CILP: variants seen among roughly 807,000 people sequenced by gnomAD.
The protein encoded by CILP is cartilage intermediate layer protein 1.
In CILP, 75 loss-of-function variants were observed where a neutral mutation model predicts 82.5. The observed-to-expected ratio is 0.91, with a 90% confidence interval of 0.75 to 1.10. The LOEUF is 1.10. Among genes scored for constraint, CILP ranks in the 50% least tolerant of loss-of-function variants. The probability of loss-of-function intolerance (pLI) is 0.00; values close to 1 mark genes in which losing one functional copy is unlikely to be tolerated. For missense variants in CILP, 1,479 were observed against 1,530.8 expected, an observed-to-expected ratio of 0.97 and a Z score of 0.56; for synonymous variants, 530 against 580.3, an observed-to-expected ratio of 0.91 and a Z score of 1.25.
At chr15:65,201,481 C>T (rs1030554217) in intron 8 of CILP, among the ~76,000 whole-genome samples, 2 of 151,940 alleles carry the variant, frequency 1.3e-5, no homozygotes, top group African/African-American at 4.8e-5. Flanking sequence ...TGCATGTAAT[C>T]CCAGCACTTT....
At chr15:65,200,665 C>G (rs996350170) in intron 8 of CILP, among the ~76,000 whole-genome samples, 2 of 152,196 alleles carry the variant, frequency 1.3e-5, no homozygotes, top group African/African-American at 4.8e-5. Flanking sequence ...ACCCTCACCT[C>G]CACATACACA....
chr15:65,203,590 C>T, intron 6 of CILP, 120 bp from the exon 7 acceptor site: 1 of 673,480 alleles, frequency 1.5e-6, no homozygotes, highest in East Asian at 2.8e-5. Flanking sequence ...TCACCCCTAC[C>T]CCCAGCCCAT....
In CILP at chr15:65,206,996, G is replaced by T. The variant is rs756504341; in HGVS notation, c.210C>A (p.Asp70Glu). 3.1e-6 allele frequency: 5 copies of T among 1,614,016 alleles called. No individual in the cohort carries two copies. In the East Asian group the frequency reaches 1.1e-4, roughly 36 times the overall value. The change falls in exon 4 of 9, where the codon GAC (aspartate) becomes GAA (glutamate). Residue 70 changes from aspartate to glutamate, a missense_variant. Transcript: ENST00000261883. ...AGCGAATGGCGTCCAGCCGCTCATA[G>T]TCGCCCTTCCCGCCTGGGTAGTCGA... ...FNIDYPGGKG[D>E]YERLDAIRFY...
At chr15:65,207,073 C>T (rs1398780035) in intron 3 of CILP, 22 bp from the exon 4 acceptor site, 4 of 1,599,440 alleles carry the variant, frequency 2.5e-6, no homozygotes, top group African/African-American at 1.3e-5. Context: ...AGCCAAATTG[C>T]GGAGGAGCCG....
chr15:65,200,522 G>T (rs878927970), intron 8 of CILP, among the ~76,000 whole-genome samples: 1 of 152,052 alleles, frequency 6.6e-6, no homozygotes, highest in African/African-American at 2.4e-5. Context: ...ACAGGCCCCT[G>T]ATTGGTCTTT....
At chr15:65,203,132 C>G (rs1001541937) in intron 7 of CILP, among the ~76,000 whole-genome samples, 1 of 152,122 alleles carries the variant, frequency 6.6e-6, no homozygotes, top group African/African-American at 2.4e-5. Context: ...CTACTGTGCC[C>G]GGCCAAAGGG....
chr15:65,201,214 C>T (rs2088447126), intron 8 of CILP, among the ~76,000 whole-genome samples: 1 of 152,062 alleles, frequency 6.6e-6, no homozygotes, highest in Non-Finnish European at 1.5e-5. Context: ...GTTGTCCAGG[C>T]TGGTCTCGAA....
chr15:65,198,596 C>T lies in CILP; in HGVS notation c.1690G>A (p.Val564Met), dbSNP rs750047210. Residue 564 changes from valine (V) to methionine (M), a missense_variant, in exon 9 of 9, where the codon GTG becomes ATG. By Grantham distance (21) the Val-to-Met change is conservative. Transcript: ENST00000261883. Reference sequence around the variant, plus strand: ...CGAAGCATCTTGATTTCATGGAACACGGCACTCCCCTTCTTGTTGAAAGGT... The same window carrying T: ...CGAAGCATCTTGATTTCATGGAACATGGCACTCCCCTTCTTGTTGAAAGGT... ...VLPFNKKGSA[V>M]FHEIKMLRRK... 18 of 1,614,114 alleles carry T rather than the reference C, an allele frequency of 1.1e-5. No individual in the cohort carries two copies. Among genetic ancestry groups the T allele is most frequent in the South Asian group, 3.3e-5 (3 of 91,092 alleles).
At chr15:65,211,194 G>C (rs764411615) in intron 1 of CILP, among the ~76,000 whole-genome samples, 11 of 152,268 alleles carry the variant, frequency 7.2e-5, no homozygotes, top group Non-Finnish European at 1.3e-4. Context: ...CCCTAAGTGG[G>C]ACCATCTGGG....
Position 65,201,962 on chromosome 15 carries a change from G to A in CILP, c.1096C>T (p.Leu366=). The A allele has an allele frequency of 1.2e-6, 2 of 1,607,100 alleles. No individual in the cohort carries two copies. Among genetic ancestry groups the A allele is most frequent in the Non-Finnish European group, 1.7e-6 (2 of 1,177,128 alleles). ...TACTCCCCAGCCTGGTGCTGCTGCA[G>A]TTTCCTCAGCACCAGCTTGCTCTCA... is the stretch of plus-strand genomic sequence containing the variant. ...KHESKLVLRK[L]QQHQAGEYFC... is the part of the protein sequence containing the mutation. Residue 366 remains leucine (L), a synonymous_variant, in exon 8 of 9, where the codon CTG becomes TTG. Coordinates refer to ENST00000261883, the MANE Select transcript of CILP (RefSeq NM_003613.4).
intron 1 of CILP, among the ~76,000 whole-genome samples, chr15:65,210,845 C>T (rs1313443260): frequency 6.6e-6 from 1 of 152,166 alleles, no homozygotes; most frequent in African/African-American, 2.4e-5. Flanking sequence ...ACCTGTTTCT[C>T]GGATGAGGGA....
intron 7 of CILP, among the ~76,000 whole-genome samples, chr15:65,202,834 CTTT>C (rs10634666): frequency 2.6e-5 from 3 of 117,540 alleles, no homozygotes; most frequent in Non-Finnish European, 3.4e-5. Flanking sequence ...GGGACCACAG[CTTT>C]TTTTTTTTTT....
Position 65,197,243 on chromosome 15 carries a change from AG to A in CILP, c.3042del (p.Tyr1015MetfsTer11), listed in dbSNP as rs1396654834. ...GTGCGGTCCACACGGTCCTGATCAT[AG>A]AGCATCCCACTGCACTTGAACTCCA... ...ACLEFKCSGM[L>X]YDQDRVDRTL... On this transcript the variant is annotated frameshift_variant, in exon 9 of 9. Coordinates refer to ENST00000261883, the MANE Select transcript of CILP (RefSeq NM_003613.4). LOFTEE classifies it high-confidence loss of function. 5 of 1,614,024 alleles carry A rather than the reference AG, an allele frequency of 3.1e-6. No individual in the cohort carries two copies. The African/African-American group carries it at 6.7e-5, about 22-fold the overall frequency.
chr15:65,203,731 A>C lies in CILP; in HGVS notation c.920-261T>G, dbSNP rs1312122752. Among the ~76,000 whole-genome samples the C allele has an allele frequency of 3.9e-5, 6 of 152,212 alleles. No individual in the cohort carries two copies. In the East Asian group the frequency reaches 1.2e-3, roughly 29 times the overall value. On this transcript the variant is annotated intron_variant, in intron 6 of 8. Coordinates refer to ENST00000261883, the MANE Select transcript of CILP (RefSeq NM_003613.4). ...TGGTGAAACAAGGGGACCTTGTGTC[A>C]GCCAAGATTCCAAGCACTACCTTTG...
In CILP at chr15:65,203,486, A is replaced by C; in HGVS notation, c.920-16T>G. The C allele has an allele frequency of 6.2e-7, 1 of 1,601,604 alleles. No individual in the cohort carries two copies. Among genetic ancestry groups the C allele is most frequent in the South Asian group, 1.1e-5 (1 of 90,728 alleles). ...TATGGAGTCTCTGGGACAGAAAATG[A>C]GAAATAGCATTTTGGGTTTTTGTGT... On this transcript the variant is annotated splice_polypyrimidine_tract_variant and intron_variant, in intron 6 of 8. Coordinates refer to ENST00000261883, the MANE Select transcript of CILP (RefSeq NM_003613.4).
Position 65,198,645 on chromosome 15 carries a change from C to T in CILP, c.1641G>A (p.Lys547=). 6.2e-7 allele frequency: 1 copy of T among 1,614,236 alleles called. No homozygotes were observed. Among genetic ancestry groups the T allele is most frequent in the Non-Finnish European group, 8.5e-7 (1 of 1,180,050 alleles). Residue 547 remains lysine (K), a synonymous_variant, in exon 9 of 9, where the codon AAG becomes AAA. Coordinates refer to ENST00000261883, the MANE Select transcript of CILP (RefSeq NM_003613.4). Reference sequence around the variant, plus strand: ...GTAGCACTTTGGTGGTGTTGACAAACTTCTGCAGCCTGTCCACAAATGTGA... The same window carrying T: ...GTAGCACTTTGGTGGTGTTGACAAATTTCTGCAGCCTGTCCACAAATGTGA... ...LVLTFVDRLQ[K]FVNTTKVLPF...
intron 2 of CILP, 96 bp downstream of exon 2, chr15:65,209,599 G>A (rs964518198): frequency 1.7e-6 from 2 of 1,149,110 alleles, no homozygotes; most frequent in East Asian, 2.4e-5. Context: ...AGGCCTTGCT[G>A]TGTCTTAAGG....
chr15:65,205,276 G>C lies in CILP; in HGVS notation c.604+11C>G. On this transcript the variant is annotated intron_variant, in intron 5 of 8. Transcript: ENST00000261883. ...CCACACCCTGCCCAGTGCCAGGAGG[G>C]AGGGTGGTACCTGTACAGTCCTGGC... The C allele has an allele frequency of 6.3e-7, 1 of 1,584,518 alleles. No individual in the cohort carries two copies. The highest frequency in any genetic ancestry group is 2.3e-5 in the East Asian group (1 of 44,004).
At chr15:65,200,333 C>T (rs2088433640) in intron 8 of CILP, among the ~76,000 whole-genome samples, 1 of 152,196 alleles carries the variant, frequency 6.6e-6, no homozygotes, top group Non-Finnish European at 1.5e-5. Flanking sequence ...CTGCTGAGGG[C>T]TCCATATCTC....
Sources: gnomAD v4.1 joint callset for allele counts (sites outside exome capture counted in the v4.1 genomes callset) on GRCh38, gnomAD v4.1.1 for gene constraint, MANE v1.5 for transcripts, NCBI Gene and HGNC (gene_info 2026-07-23, HGNC 2026-07-21) for gene names.